The following POLD3 variants were observed in gnomAD, a reference collection of about 807,000 sequenced individuals.
POLD3 encodes DNA polymerase delta subunit 3.
A neutral mutation model predicts 58.2 loss-of-function variants in POLD3; 19 were observed. The ratio of observed to expected loss-of-function variants is 0.33; its 90% CI spans 0.23 to 0.48. The LOEUF (loss-of-function observed/expected upper bound fraction) is 0.48, where lower values mean the gene tolerates loss of function less well. POLD3 is among the 20% of genes least tolerant of loss of function. POLD3 has a pLI of 0.99. For synonymous variants in POLD3, 172 were observed against 193.5 expected (o/e 0.89, Z 0.92); for missense variants, 504 against 545.5 (o/e 0.92, Z 0.76).
Position 74,668,707 on chromosome 11 carries a change from G to T in POLD3, c.370-70G>T. ...CCGGAGTAGCTAGGAGGGAGAATGGGGTTAGGGGGTATAATGGGAGAAAAG... is the reference window on the plus strand; with the variant it reads ...CCGGAGTAGCTAGGAGGGAGAATGGTGTTAGGGGGTATAATGGGAGAAAAG... On this transcript the variant is annotated intron_variant, in intron 4 of 4. Transcript: ENST00000524752. The T allele has an allele frequency of 1.0e-5, 11 of 1,101,856 alleles. 1 individual carries two copies. In the South Asian group the frequency reaches 1.2e-4, roughly 12 times the overall value. The allele number at this position is 1,101,856 out of a possible 1,614,324, so 68.3% of individuals were successfully genotyped here. A position where few individuals can be genotyped will look rare whatever the true frequency, so the allele number is the denominator to read the frequency against.
intron 2 of POLD3, among the ~76,000 whole-genome samples, chr11:74,596,780 C>T (rs1336056356): frequency 6.6e-6 from 1 of 152,212 alleles, no homozygotes; most frequent in African/African-American, 2.4e-5. Flanking sequence ...CTAACCACTT[C>T]AGCCTATGGA....
At chr11:74,618,511 A>G in intron 5 of POLD3, 26 bp from the exon 6 acceptor site, 1 of 1,568,870 alleles carries the variant, frequency 6.4e-7, no homozygotes, top group South Asian at 1.2e-5. Context: ...GCTGACATTA[A>G]CTTAATGTAA....
chr11:74,648,087 A>C (rs1387103138), intron 4 of POLD3, among the ~76,000 whole-genome samples: 1 of 152,230 alleles, frequency 6.6e-6, no homozygotes, highest in East Asian at 1.9e-4. Flanking sequence ...AAACTAGTAT[A>C]TTTGAACGCT....
At chr11:74,631,854 T>C (rs1205530207) in intron 9 of POLD3, among the ~76,000 whole-genome samples, 1 of 152,150 alleles carries the variant, frequency 6.6e-6, no homozygotes, top group East Asian at 1.9e-4. Context: ...CTCTTCCTGC[T>C]GAGGTGCCCA....
At chr11:74,655,584 A>AT (rs1264546630) in intron 4 of POLD3, among the ~76,000 whole-genome samples, 1 of 152,124 alleles carries the variant, frequency 6.6e-6, no homozygotes, top group African/African-American at 2.4e-5. Flanking sequence ...TAACTGCAGA[A>AT]TGCCTGTTCT....
intron 3 of POLD3, among the ~76,000 whole-genome samples, chr11:74,611,103 A>T (rs2031896993): frequency 6.6e-6 from 1 of 152,134 alleles, no homozygotes; most frequent in South Asian, 2.1e-4. Flanking sequence ...TCTCTAATCC[A>T]TTTAGAATTT....
intron 5 of POLD3, among the ~76,000 whole-genome samples, chr11:74,614,051 A>G (rs1471306500): frequency 2.6e-5 from 4 of 152,238 alleles, no homozygotes; most frequent in East Asian, 1.9e-4. Context: ...GTGCAGAACC[A>G]TGATCGTTTT....
chr11:74,633,012 T>TAA (rs949877033), intron 9 of POLD3, among the ~76,000 whole-genome samples: 10 of 152,044 alleles, frequency 6.6e-5, no homozygotes, highest in African/African-American at 2.2e-4. Flanking sequence ...GGGATCTAGA[T>TAA]AAACATTTGC....
At chr11:74,613,732 C>T (rs1481947594) in intron 5 of POLD3, among the ~76,000 whole-genome samples, 1 of 152,212 alleles carries the variant, frequency 6.6e-6, no homozygotes, top group Non-Finnish European at 1.5e-5. Flanking sequence ...CAGCAAATAA[C>T]TCATGAGTAC....
In POLD3 at chr11:74,612,895, G is replaced by T. The variant is rs571213108; in HGVS notation, c.277G>T (p.Ala93Ser). The change falls in exon 5 of 12, where the codon GCT (alanine) becomes TCT (serine). Residue 93 changes from alanine to serine, a missense_variant. Coordinates refer to ENST00000263681, the MANE Select transcript of POLD3 (RefSeq NM_006591.3). ...DKLEAVKSKL[A>S]VTASIHVYSI... ...ACTTGTAGCAGTGAAGTCCAAGCTA[G>T]CTGTGACTGCCAGCATCCATGTGTA... is the stretch of plus-strand genomic sequence containing the variant. 172 of 1,612,978 alleles carry T rather than the reference G, an allele frequency of 1.1e-4. No homozygotes were observed. The highest frequency in any genetic ancestry group is 1.4e-4 in the Non-Finnish European group (168 of 1,179,556).
At chr11:74,614,409 C>A (rs1243599005) in intron 5 of POLD3, among the ~76,000 whole-genome samples, 1 of 151,956 alleles carries the variant, frequency 6.6e-6, no homozygotes, top group Non-Finnish European at 1.5e-5. Context: ...TGAGTCATGA[C>A]CATCAAAAAA....
rs1321850318 is a variant in POLD3 at position 74,592,648 on chromosome 11, G to A, written c.-11G>A. The A allele has an allele frequency of 1.9e-6, 3 of 1,606,346 alleles. No individual in the cohort carries two copies. The highest frequency in any genetic ancestry group is 2.7e-5 in the African/African-American group (2 of 74,724). ...AGAGGGGTTAGAGGCGGGTCCCAGC[G>A]CTGCCGCACCATGGCGGACCAGCTT... On this transcript the variant is annotated 5_prime_UTR_variant, in exon 1 of 12. Transcript: ENST00000263681.
intron 11 of POLD3, among the ~76,000 whole-genome samples, chr11:74,638,395 T>C (rs1478213299): frequency 6.6e-6 from 1 of 152,188 alleles, no homozygotes; most frequent in East Asian, 1.9e-4. Context: ...TTGATTTCAT[T>C]AATAAGTAAT....
chr11:74,641,789 C>T lies in POLD3; in HGVS notation c.*1023C>T. ...CATTTATTTATAAATGGATGTTGCT[C>T]CTTTGTATTTTTAGCTTCCCTATTT... On this transcript the variant is annotated 3_prime_UTR_variant, in exon 12 of 12. Transcript: ENST00000263681. The T allele has an allele frequency of 1.0e-6, 1 of 985,090 alleles. No homozygotes were observed. The allele number at this position is 985,090 out of a possible 1,614,324, so 61.0% of individuals were successfully genotyped here.
intron 3 of POLD3, among the ~76,000 whole-genome samples, chr11:74,611,055 G>A (rs1336182569): frequency 1.3e-5 from 2 of 152,100 alleles, no homozygotes; most frequent in Non-Finnish European, 2.9e-5. Context: ...GATTACAGGC[G>A]TGACCCACCA....
At chr11:74,609,260 C>T (rs769962251) in intron 3 of POLD3, among the ~76,000 whole-genome samples, 4 of 145,536 alleles carry the variant, frequency 2.7e-5, no homozygotes, top group Non-Finnish European at 6.0e-5. Context: ...TTTTTTTTTT[C>T]CATTTTGCTT....
intron 4 of POLD3, among the ~76,000 whole-genome samples, chr11:74,656,053 A>C (rs1472481711): frequency 6.6e-6 from 1 of 152,214 alleles, no homozygotes; most frequent in African/African-American, 2.4e-5. Flanking sequence ...TGTAAAATAA[A>C]AATAACATTT....
chr11:74,651,462 A>G (rs2135193507), intron 4 of POLD3, among the ~76,000 whole-genome samples: 1 of 152,276 alleles, frequency 6.6e-6, no homozygotes, highest in African/African-American at 2.4e-5. Flanking sequence ...CAGAAACAGA[A>G]CGTGCTCTCA....
intron 2 of POLD3, among the ~76,000 whole-genome samples, chr11:74,595,765 G>A (rs1034961560): frequency 4.6e-5 from 7 of 152,018 alleles, no homozygotes; most frequent in Admixed American, 6.6e-5. Flanking sequence ...CTACAGGTGC[G>A]TGCCACCACA....
Sources: gnomAD v4.1 joint callset for allele counts (sites outside exome capture counted in the v4.1 genomes callset) on GRCh38, gnomAD v4.1.1 for gene constraint, MANE v1.5 for transcripts, NCBI Gene and HGNC (gene_info 2026-07-23, HGNC 2026-07-21) for gene names.